Variants in GET1 observed in about 807,000 individuals in gnomAD.
The protein encoded by GET1 is guided entry of tail-anchored proteins factor 1.
A neutral mutation model predicts 22.6 loss-of-function variants in GET1; 20 were observed. That is an observed-to-expected ratio of 0.89 (90% CI 0.62 to 1.29). The LOEUF is 1.29. Ranked by LOEUF, GET1 falls within the 50% of genes most tolerant of loss-of-function variation. The pLI, the probability that GET1 is intolerant of heterozygous loss-of-function variation, is 0.00. For missense variants in GET1, 209 were observed against 219.9 expected, an observed-to-expected ratio of 0.95 and a Z score of 0.31; for synonymous variants, 92 against 83.8, an observed-to-expected ratio of 1.10 and a Z score of -0.53.
At chr21:39,391,700 T>G in intron 2 of GET1, 69 bp from the exon 3 acceptor site, 1 of 1,406,900 alleles carries the variant, frequency 7.1e-7, no homozygotes, top group Non-Finnish European at 1.0e-6. Context: ...AAATAACATT[T>G]CTGTGTATTT....
rs529447827 is a variant in GET1 at position 39,394,400 on chromosome 21, T to C, written c.451+1120T>C. Among the ~76,000 whole-genome samples the C allele has an allele frequency of 1.3e-4, 20 of 152,328 alleles. No homozygotes were observed. In the East Asian group the frequency reaches 3.3e-3, roughly 25 times the overall value. On this transcript the variant is annotated intron_variant, in intron 4 of 4. Transcript: ENST00000649170. ...TGATATGTTTTTCTTTGCCTTTTTT[T>C]CCCCATTTATTTTGATATAGTTAAG...
intron 1 of GET1, among the ~76,000 whole-genome samples, chr21:39,427,040 G>T (rs577203734): frequency 6.6e-6 from 1 of 152,330 alleles, no homozygotes; most frequent in East Asian, 1.9e-4. Flanking sequence ...TGAAGATTCT[G>T]GGTGTTCCAG....
In GET1 at chr21:39,404,833, A is replaced by AT. The variant is rs1302762040; in HGVS notation, c.350-1066dup. ...TATACACACATACATACATATATGT[A>AT]TTTTTTTTTTTTTTTGAGATGGAGT... is the stretch of plus-strand genomic sequence containing the variant. On this transcript the variant is annotated intron_variant, in intron 4 of 4. Coordinates refer to the GET1 transcript ENST00000415847. 7.0e-3 allele frequency among the ~76,000 whole-genome samples: 955 copies of AT among 136,806 alleles called. 5 individuals are homozygous for AT. The highest frequency in any genetic ancestry group is 0.016 in the African/African-American group (619 of 37,612). 89.8% of individuals were successfully genotyped at this position (136,806 alleles called of 152,430 possible).
downstream of GET1, chr21:39,410,946 TC>T (rs1407930831): frequency 6.4e-6 from 3 of 470,876 alleles, no homozygotes; most frequent in Admixed American, 2.3e-5. Flanking sequence ...AGGTGAGTAT[TC>T]CTATGGTACT....
chr21:39,425,201 C>T (rs779765875), intron 1 of GET1, among the ~76,000 whole-genome samples: 11 of 152,256 alleles, frequency 7.2e-5, no homozygotes, highest in Non-Finnish European at 1.2e-4. Context: ...ACTTAGTGGC[C>T]AGTGTCACCC....
chr21:39,419,855 G>A (rs1361410021), intron 1 of GET1, among the ~76,000 whole-genome samples: 2 of 152,078 alleles, frequency 1.3e-5, no homozygotes, highest in Admixed American at 1.3e-4. Context: ...CAATCTTGAA[G>A]GCAGAAAGAT....
At chr21:39,383,907 A>C (rs2037720732) in intron 1 of GET1, among the ~76,000 whole-genome samples, 1 of 152,026 alleles carries the variant, frequency 6.6e-6, no homozygotes, top group South Asian at 2.1e-4. Flanking sequence ...TGCTGGGCTA[A>C]TTTTTGTATT....
intron 1 of GET1, among the ~76,000 whole-genome samples, chr21:39,419,301 G>A (rs1848361439): frequency 1.3e-5 from 2 of 152,066 alleles, no homozygotes; most frequent in Admixed American, 1.3e-4. Context: ...AAGGCAGGAG[G>A]ATTGCTTGAG....
chr21:39,410,704 G>A (rs189343769), downstream of GET1: 19 of 387,692 alleles, frequency 4.9e-5, 1 homozygote, highest in African/African-American at 1.7e-4. Context: ...ATCCTGTGGC[G>A]GAGCTCTTGA....
At chr21:39,423,351 T>TAAAA (rs1464172797) in intron 1 of GET1, 2 of 1,612,938 alleles carry the variant, frequency 1.2e-6, no homozygotes, top group Non-Finnish European at 1.7e-6. Flanking sequence ...ATTCATTTTT[T>TAAAA]AGTCCTTTAA....
chr21:39,392,794 T>G (rs1241370610), intron 3 of GET1: 1 of 201,718 alleles, frequency 5.0e-6, no homozygotes, highest in African/African-American at 2.3e-5. Flanking sequence ...AACGAGATAC[T>G]CAGTGAGAAA....
chr21:39,420,522 CAAAAAAAA>C (rs397972848), intron 1 of GET1, among the ~76,000 whole-genome samples: 2 of 87,148 alleles, frequency 2.3e-5, no homozygotes, highest in Admixed American at 1.5e-4. Context: ...GATTCTATCT[CAAAAAAAA>C]AAAAAAAAAA....
chr21:39,409,839 C>G, downstream of GET1: 3 of 574,618 alleles, frequency 5.2e-6, no homozygotes, highest in South Asian at 6.4e-5. The surrounding 1 kb of genome is among the most constrained non-coding windows in gnomAD (Gnocchi z 4.2). Context: ...GGTGATCTGC[C>G]TGCCTTGGCC....
At chr21:39,407,153 G>C (rs946669008), downstream of GET1, among the ~76,000 whole-genome samples, 1 of 152,200 alleles carries the variant, frequency 6.6e-6, no homozygotes, top group Non-Finnish European at 1.5e-5. Context: ...CTTGAGCCCA[G>C]GAGGACAAGA....
At chr21:39,380,702 C>T (rs1477581260) in intron 1 of GET1, 2 of 1,368,742 alleles carry the variant, frequency 1.5e-6, no homozygotes, top group African/African-American at 2.9e-5. Flanking sequence ...TTGGGAGAAA[C>T]ACCGGGCAAC....
Position 39,390,815 on chromosome 21 carries a change from A to G in GET1, c.220A>G (p.Arg74Gly). 1 of 1,614,236 alleles carries G rather than the reference A, an allele frequency of 6.2e-7. No homozygotes were observed. Among genetic ancestry groups the G allele is most frequent in the Non-Finnish European group, 8.5e-7 (1 of 1,180,042 alleles). Residue 74 changes from arginine (R) to glycine (G), a missense_variant, in exon 2 of 5, where the codon AGG becomes GGG. Transcript: ENST00000649170. ...GATGGACGAGTTTGCCAGATATGCCAGGCTGGAAAGAAAGATCAACAAGAT... is the reference window on the plus strand; with the variant it reads ...GATGGACGAGTTTGCCAGATATGCCGGGCTGGAAAGAAAGATCAACAAGAT... The part of the protein sequence containing the change: ...NMMDEFARYA[R>G]LERKINKMTD...
intron 1 of GET1, among the ~76,000 whole-genome samples, chr21:39,415,384 T>C (rs1365582082): frequency 6.6e-6 from 1 of 152,012 alleles, no homozygotes; most frequent in Non-Finnish European, 1.5e-5. Flanking sequence ...TATAAAAAAA[T>C]AAAAGTAGAA....
chr21:39,406,472 C>A, exon 5 of GET1: 6 of 1,613,924 alleles, frequency 3.7e-6, no homozygotes, highest in Non-Finnish European at 4.2e-6. Flanking sequence ...GGATGAATAA[C>A]TTCAATTATT....
chr21:39,399,239 G>A (rs2038778492), downstream of GET1, among the ~76,000 whole-genome samples: 1 of 151,968 alleles, frequency 6.6e-6, no homozygotes, highest in African/African-American at 2.4e-5. Context: ...TGTTTTAAAG[G>A]TATAAAAATA....
Sources: allele counts gnomAD v4.1 joint callset (sites outside exome capture counted in the v4.1 genomes callset), GRCh38; gene constraint gnomAD v4.1.1; non-coding constraint Gnocchi (gnomAD v3.1); transcripts MANE v1.5; gene names NCBI Gene and HGNC (gene_info 2026-07-23, HGNC 2026-07-21).